WIPI2: variants seen among roughly 807,000 people sequenced by gnomAD.
WIPI2 encodes the protein WD repeat domain phosphoinositide-interacting protein 2.
In WIPI2, 28 loss-of-function variants were observed where a neutral mutation model predicts 52.3. The ratio of observed to expected loss-of-function variants is 0.54; its 90% CI spans 0.40 to 0.73. The LOEUF is 0.73. Among genes scored for constraint, WIPI2 ranks in the 30% least tolerant of loss-of-function variants. The pLI is 0.00. For synonymous variants in WIPI2, 268 were observed against 245.0 expected (o/e 1.09, Z -0.88); for missense variants, 506 against 602.9 (o/e 0.84, Z 1.68).
chr7:5,228,461 G>A (rs539989937), intron 11 of WIPI2, among the ~76,000 whole-genome samples: 143 of 152,336 alleles, frequency 9.4e-4, no homozygotes, highest in Middle Eastern at 3.4e-3. Flanking sequence ...CAGAGGCGAC[G>A]CAGGGGTGGC....
At chr7:5,218,062 G>A in intron 7 of WIPI2, 48 bp downstream of exon 7, 2 of 1,593,784 alleles carry the variant, frequency 1.3e-6, no homozygotes, top group Non-Finnish European at 1.7e-6. Context: ...GGCGTCCACA[G>A]ACTTTTTCAG....
rs1309443596 is a variant in WIPI2 at position 5,232,022 on chromosome 7, C to T, written c.*1075C>T. On this transcript the variant is annotated 3_prime_UTR_variant, in exon 13 of 13. Transcript: ENST00000288828. ...TGTGGTTGCAAGCTTCAGTATTTGC[C>T]TCGCTTCCCTTCCCTTTTCATATTT... 3.1e-6 allele frequency: 1 copy of T among 325,462 alleles called. No individual in the cohort carries two copies. Among genetic ancestry groups the T allele is most frequent in the Non-Finnish European group, 5.1e-6 (1 of 197,920 alleles). 20.2% of individuals were successfully genotyped at this position (325,462 alleles called of 1,614,324 possible).
intron 3 of WIPI2, 125 bp downstream of exon 3, chr7:5,199,783 T>G (rs996179848): frequency 1.1e-6 from 1 of 939,204 alleles, no homozygotes; most frequent in Admixed American, 2.8e-5. Flanking sequence ...AGTCCTCTGC[T>G]TCCACCTTCA....
In WIPI2 at chr7:5,193,138, G is replaced by C. The variant is rs767425020; in HGVS notation, c.95G>C (p.Arg32Thr). 1 of 1,614,058 alleles carries C rather than the reference G, an allele frequency of 6.2e-7. No homozygotes were observed. Among genetic ancestry groups the C allele is most frequent in the Non-Finnish European group, 8.5e-7 (1 of 1,180,002 alleles). ...CCTAGAGAAGTGAAAGGGGCATCAAGAGCAGCTGGTCTTGGCCGTCGCGCT... is the reference window on the plus strand; with the variant it reads ...CCTAGAGAAGTGAAAGGGGCATCAACAGCAGCTGGTCTTGGCCGTCGCGCT... ...QDNTEVKGAS[R>T]AAGLGRRAVV... The change falls in exon 2 of 13, where the codon AGA becomes ACA. Residue 32 changes from arginine (R) to threonine (T), a missense_variant. By Grantham distance (71) the Arg-to-Thr change is moderately conservative (BLOSUM62 -1). Coordinates refer to ENST00000288828, the MANE Select transcript of WIPI2 (RefSeq NM_015610.4).
intron 3 of WIPI2, chr7:5,214,264 C>T: frequency 7.1e-7 from 1 of 1,408,414 alleles, no homozygotes; most frequent in East Asian, 2.8e-5. Context: ...CATTCAAATC[C>T]AGCAACAGAA....
At chr7:5,225,362 C>T (rs898066370) in intron 8 of WIPI2, among the ~76,000 whole-genome samples, 2 of 152,022 alleles carry the variant, frequency 1.3e-5, no homozygotes, top group African/African-American at 2.4e-5. Flanking sequence ...AGGATGGTCT[C>T]GATATCTTGA....
intron 2 of WIPI2, among the ~76,000 whole-genome samples, chr7:5,197,815 T>G (rs1370643947): frequency 1.3e-5 from 2 of 152,222 alleles, no homozygotes; most frequent in Admixed American, 1.3e-4. Flanking sequence ...CTCCTCATTT[T>G]CATGTTCTCC....
At chr7:5,225,283 G>GGTGC (rs1783371363) in intron 8 of WIPI2, among the ~76,000 whole-genome samples, 4 of 152,052 alleles carry the variant, frequency 2.6e-5, no homozygotes, top group Non-Finnish European at 5.9e-5. Context: ...TGGGACTACA[G>GGTGC]GCACCCGCCA....
intron 8 of WIPI2, among the ~76,000 whole-genome samples, chr7:5,224,868 C>A (rs1398415162): frequency 1.3e-5 from 2 of 152,210 alleles, no homozygotes; most frequent in African/African-American, 4.8e-5. Context: ...CGTTCACCGT[C>A]TCAGTCATAA....
Position 5,214,714 on chromosome 7 carries a change from GC to G in WIPI2, c.381+14del. The G allele has an allele frequency of 6.2e-7, 1 of 1,613,120 alleles. No individual in the cohort carries two copies. On this transcript the variant is annotated intron_variant, in intron 4 of 12. Coordinates refer to ENST00000288828, the MANE Select transcript of WIPI2 (RefSeq NM_015610.4). Reference sequence around the variant, plus strand: ...GAAGCTCAACAGGCAGGTGAGCGCTGCCCCAGCTGGGTGTGGGCTTGTCTGT... The same window carrying G: ...GAAGCTCAACAGGCAGGTGAGCGCTGCCCAGCTGGGTGTGGGCTTGTCTGT...
In WIPI2 at chr7:5,227,977, C is replaced by G. The variant is rs548865371; in HGVS notation, c.1014-127C>G. The G allele has an allele frequency of 1.6e-3, 1,387 of 856,122 alleles. 26 individuals are homozygous for G. In the South Asian group the frequency reaches 0.019, roughly 12 times the overall value. 53.0% of individuals were successfully genotyped at this position (856,122 alleles called of 1,614,324 possible). A position where few individuals can be genotyped will look rare whatever the true frequency, so the allele number is the denominator to read the frequency against. On this transcript the variant is annotated intron_variant, in intron 10 of 12. Transcript: ENST00000288828. The surrounding 1 kb of genome is among the most constrained non-coding windows in gnomAD (Gnocchi z 8.1). The stretch of plus-strand genomic sequence containing the variant: ...GCCGAGGTCAGTGGGGCGCCAGACA[C>G]CTGCAGCTGCCCTTGTGCTCATCTT...
intron 7 of WIPI2, among the ~76,000 whole-genome samples, chr7:5,220,350 C>G (rs1783052911): frequency 6.6e-6 from 1 of 151,256 alleles, no homozygotes; most frequent in Non-Finnish European, 1.5e-5. Context: ...TCAAGCAGTT[C>G]TCCTGCCGCA....
At chr7:5,203,096 A>C (rs777568679) in intron 3 of WIPI2, among the ~76,000 whole-genome samples, 1 of 152,208 alleles carries the variant, frequency 6.6e-6, no homozygotes, top group Non-Finnish European at 1.5e-5. Flanking sequence ...GTTGACATAT[A>C]ACATCTTTTA....
chr7:5,190,570 AG>A lies in WIPI2; in HGVS notation c.74+78del, dbSNP rs879143546. On this transcript the variant is annotated intron_variant, in intron 1 of 12. Coordinates refer to ENST00000288828, the MANE Select transcript of WIPI2 (RefSeq NM_015610.4). Reference sequence around the variant, plus strand: ...GGCTAGGGGGAGGGCCTCGCTGCCAAGCTCGGCGGCGTCGCAGGCTCGGCCT... The same window carrying A: ...GGCTAGGGGGAGGGCCTCGCTGCCAACTCGGCGGCGTCGCAGGCTCGGCCT... 126 of 1,298,962 alleles carry A rather than the reference AG, an allele frequency of 9.7e-5. No homozygotes were observed. The Middle Eastern group carries it at 1.0e-3, about 11-fold the overall frequency. 80.5% of individuals were successfully genotyped at this position (1,298,962 alleles called of 1,614,324 possible).
Position 5,207,151 on chromosome 7 carries a change from A to G in WIPI2, c.212-7384A>G, listed in dbSNP as rs116143626. Among the ~76,000 whole-genome samples the G allele has an allele frequency of 5.2e-3, 785 of 152,192 alleles. 10 individuals carry two copies. The highest frequency in any genetic ancestry group is 0.017 in the Middle Eastern group (5 of 294). On this transcript the variant is annotated intron_variant, in intron 3 of 12. Coordinates refer to ENST00000288828, the MANE Select transcript of WIPI2 (RefSeq NM_015610.4). ...TCTCCTCAATACTGAGTAGAGTTCAATGTTTGTTTTTTTCTTGTAAGATAA... is the reference window on the plus strand; with the variant it reads ...TCTCCTCAATACTGAGTAGAGTTCAGTGTTTGTTTTTTTCTTGTAAGATAA...
intron 7 of WIPI2, among the ~76,000 whole-genome samples, chr7:5,221,126 G>C (rs1469597467): frequency 6.6e-6 from 1 of 152,010 alleles, no homozygotes; most frequent in Non-Finnish European, 1.5e-5. Flanking sequence ...ACCATGCCCA[G>C]CTAATTTTGT....
At chr7:5,218,294 C>A (rs764892974) in intron 7 of WIPI2, 5 of 332,158 alleles carry the variant, frequency 1.5e-5, no homozygotes, top group African/African-American at 4.2e-5. Flanking sequence ...ACCGCTCACC[C>A]AGTGTGTTTC....
chr7:5,228,543 C>T (rs1043484340), intron 11 of WIPI2, among the ~76,000 whole-genome samples: 9 of 152,160 alleles, frequency 5.9e-5, no homozygotes, highest in African/African-American at 1.4e-4. Context: ...GGTGGAGTTT[C>T]GCATTTGGAA....
chr7:5,222,678 G>C lies in WIPI2; in HGVS notation c.740+6G>C. The C allele has an allele frequency of 6.2e-7, 1 of 1,612,658 alleles. No individual in the cohort carries two copies. Among genetic ancestry groups the C allele is most frequent in the East Asian group, 2.2e-5 (1 of 44,846 alleles). ...TTTCGGAGAGGAGTAAAGAGGTAAA[G>C]TACGTGAATGTCCAGAATGGATTCT... On this transcript the variant is annotated splice_donor_region_variant and intron_variant, in intron 8 of 12. Transcript: ENST00000288828.
Sources: gnomAD v4.1 joint callset for allele counts (sites outside exome capture counted in the v4.1 genomes callset) on GRCh38, gnomAD v4.1.1 for gene constraint, Gnocchi (gnomAD v3.1) non-coding constraint, MANE v1.5 for transcripts, NCBI Gene and HGNC (gene_info 2026-07-23, HGNC 2026-07-21) for gene names.